PRKCH: variants seen among roughly 807,000 people sequenced by gnomAD.
PRKCH encodes the protein protein kinase C eta.
In PRKCH, 28 loss-of-function variants were observed where a neutral mutation model predicts 82.5. The ratio of observed to expected loss-of-function variants is 0.34; its 90% confidence interval spans 0.25 to 0.47. The LOEUF (loss-of-function observed/expected upper bound fraction) is 0.47, where lower values mean the gene tolerates loss of function less well. Ranked by LOEUF, PRKCH falls within the 20% of genes least tolerant of loss-of-function variation. The pLI is 1.00. For synonymous variants in PRKCH, 322 were observed against 327.4 expected (o/e 0.98, Z 0.18); for missense variants, 705 against 881.8 (o/e 0.80, Z 2.54).
chr14:61,312,621 T>G (rs1017464265), intron 1 of PRKCH, among the ~76,000 whole-genome samples: 1 of 152,164 alleles, frequency 6.6e-6, no homozygotes, highest in African/African-American at 2.4e-5. Flanking sequence ...CTCTCAATCA[T>G]GGCAGAAGGT....
intron 1 of PRKCH, chr14:61,281,322 C>G (rs1013809827): frequency 1.6e-5 from 6 of 379,902 alleles, no homozygotes; most frequent in Middle Eastern, 7.4e-4. Flanking sequence ...AGTTTAGTTC[C>G]AGGCCCTACG....
At chr14:61,546,862 G>A (rs2043264241) in intron 12 of PRKCH, among the ~76,000 whole-genome samples, 1 of 152,194 alleles carries the variant, frequency 6.6e-6, no homozygotes. Flanking sequence ...CCACACTCCG[G>A]CCATGAAAAG....
intron 1 of PRKCH, chr14:61,304,781 A>G (rs1447115545): frequency 6.6e-6 from 1 of 151,946 alleles, no homozygotes; most frequent in East Asian, 1.9e-4. Flanking sequence ...CTGTGACTGC[A>G]TCACTTCACT....
chr14:61,449,031 G>A, intron 4 of PRKCH, 133 bp from the exon 5 acceptor site: 3 of 728,746 alleles, frequency 4.1e-6, no homozygotes, highest in South Asian at 1.7e-5. Flanking sequence ...GGAAGGATGG[G>A]CGCACCAGCT....
intron 1 of PRKCH, among the ~76,000 whole-genome samples, chr14:61,326,091 C>G (rs1321584375): frequency 1.3e-5 from 2 of 152,188 alleles, no homozygotes; most frequent in African/African-American, 4.8e-5. Context: ...ATATAACTTA[C>G]TGTTTAGTAT....
intron 1 of PRKCH, among the ~76,000 whole-genome samples, chr14:61,224,622 G>A (rs1192176904): frequency 6.6e-6 from 1 of 152,156 alleles, no homozygotes; most frequent in African/African-American, 2.4e-5. Flanking sequence ...CTGGGGTTAT[G>A]GATTTGGTAG....
intron 1 of PRKCH, among the ~76,000 whole-genome samples, chr14:61,333,808 G>A (rs145122264): frequency 6.6e-6 from 1 of 152,164 alleles, no homozygotes; most frequent in East Asian, 1.9e-4. Flanking sequence ...TTTTTCATAC[G>A]CTTTTTCTTA....
At chr14:61,299,784 A>C (rs2045435860) in intron 1 of PRKCH, 1 of 152,144 alleles carries the variant, frequency 6.6e-6, no homozygotes, top group South Asian at 2.1e-4. Flanking sequence ...CAGCTTATAT[A>C]TTTTTGAATA....
chr14:61,256,597 A>G (rs1185344864), intron 1 of PRKCH, among the ~76,000 whole-genome samples: 2 of 152,254 alleles, frequency 1.3e-5, no homozygotes, highest in Non-Finnish European at 2.9e-5. Context: ...CCTTGCCCAC[A>G]GTAAACATTA....
chr14:61,341,446 G>A (rs2045928950), intron 1 of PRKCH, among the ~76,000 whole-genome samples: 1 of 152,206 alleles, frequency 6.6e-6, no homozygotes, highest in Non-Finnish European at 1.5e-5. Context: ...AAACAGGCCT[G>A]AGCATGCCAC....
intron 1 of PRKCH, among the ~76,000 whole-genome samples, chr14:61,204,650 A>C (rs1431542205): frequency 2.6e-4 from 40 of 151,854 alleles, no homozygotes; most frequent in Admixed American, 2.6e-3. Context: ...GGCCGCAGCC[A>C]CTCAGGAGGC....
chr14:61,381,020 G>A (rs759473691), intron 1 of PRKCH, among the ~76,000 whole-genome samples: 1 of 152,176 alleles, frequency 6.6e-6, no homozygotes. Flanking sequence ...GAGCCATAAG[G>A]ATGTATTTTA....
At chr14:61,199,401 A>G (rs928956475) in intron 1 of PRKCH, among the ~76,000 whole-genome samples, 5 of 152,176 alleles carry the variant, frequency 3.3e-5, no homozygotes, top group Middle Eastern at 3.2e-3. Flanking sequence ...CTCCCTGGAG[A>G]GGCTAAAAAT....
At chr14:61,234,009 G>A (rs2044766829) in intron 1 of PRKCH, among the ~76,000 whole-genome samples, 1 of 152,090 alleles carries the variant, frequency 6.6e-6, no homozygotes, top group Non-Finnish European at 1.5e-5. Context: ...AAGGTACACT[G>A]TCCTGGTCTA....
At chr14:61,412,785 C>T (rs542584103) in intron 2 of PRKCH, among the ~76,000 whole-genome samples, 1 of 152,314 alleles carries the variant, frequency 6.6e-6, no homozygotes, top group African/African-American at 2.4e-5. Flanking sequence ...CTCATATTCT[C>T]TTTCTCTTAC....
chr14:61,255,846 G>A (rs1594876835), intron 1 of PRKCH, among the ~76,000 whole-genome samples: 1 of 152,068 alleles, frequency 6.6e-6, no homozygotes, highest in East Asian at 1.9e-4. Context: ...CTAATAATAC[G>A]ATACCCTAGA....
intron 10 of PRKCH, among the ~76,000 whole-genome samples, chr14:61,515,053 A>G (rs2139981430): frequency 6.6e-6 from 1 of 152,306 alleles, no homozygotes; most frequent in Admixed American, 6.5e-5. Context: ...AGAGTTGTTT[A>G]TAACAGTGAA....
At chr14:61,210,790 C>CTG (rs1014835104) in intron 1 of PRKCH, among the ~76,000 whole-genome samples, 32 of 138,966 alleles carry the variant, frequency 2.3e-4, no homozygotes, top group African/African-American at 2.9e-4. Flanking sequence ...CTCTCTCTCT[C>CTG]TGTGTGTGTG....
In PRKCH at chr14:61,280,249, T is replaced by C; in HGVS notation, c.-19+92581T>C. ...CGAGATGCTGCTGAAGATGAGGAGC[T>C]TGTGGCCGCCGAACGCGCGCACCGG... On this transcript the variant is annotated intron_variant, in intron 1 of 3. Transcript: ENST00000555185. The surrounding 1 kb of genome is among the most constrained non-coding windows in gnomAD (Gnocchi z 5.0). The C allele has an allele frequency of 4.3e-6, 7 of 1,614,116 alleles. No homozygotes were observed. Among genetic ancestry groups the C allele is most frequent in the East Asian group, 2.2e-5 (1 of 44,864 alleles).
Sources: allele counts gnomAD v4.1 joint callset (sites outside exome capture counted in the v4.1 genomes callset), GRCh38; gene constraint gnomAD v4.1.1; non-coding constraint Gnocchi (gnomAD v3.1); transcripts MANE v1.5; gene names NCBI Gene and HGNC (gene_info 2026-07-23, HGNC 2026-07-21).